ULK4: variants seen among roughly 807,000 people sequenced by gnomAD.
The protein encoded by ULK4 is inactive serine/threonine-protein kinase ULK4.
A neutral mutation model predicts 160.6 loss-of-function variants in ULK4; 133 were observed. The observed-to-expected ratio is 0.83, with a 90% CI of 0.72 to 0.96. The LOEUF is 0.96. Among genes scored for constraint, ULK4 ranks in the 40% least tolerant of loss-of-function variants. The pLI is 0.00. For missense variants in ULK4, 1,580 were observed against 1,499.5 expected (o/e 1.05, Z -0.89); for synonymous variants, 534 against 539.8 (o/e 0.99, Z 0.15).
intron 34 of ULK4, among the ~76,000 whole-genome samples, chr3:41,403,630 G>A (rs540813272): frequency 6.6e-6 from 1 of 151,968 alleles, no homozygotes; most frequent in South Asian, 2.1e-4. Context: ...CCTTTTGCTT[G>A]TTTTGGATTA....
rs1184931699 is a variant in ULK4 at position 41,625,771 on chromosome 3, A to G, written c.3072-10054T>C. 2.6e-5 allele frequency among the ~76,000 whole-genome samples: 4 copies of G among 152,352 alleles called. No individual in the cohort carries two copies. In the East Asian group the frequency reaches 7.7e-4, roughly 29 times the overall value. On this transcript the variant is annotated intron_variant, in intron 30 of 36. Transcript: ENST00000301831. ...TAAATCCGAAAAGAATGAAATGTCT[A>G]TAATTTACAGACAGCCTGAAGGACA...
At chr3:41,479,523 T>C (rs988945885) in intron 32 of ULK4, among the ~76,000 whole-genome samples, 1 of 152,134 alleles carries the variant, frequency 6.6e-6, no homozygotes, top group African/African-American at 2.4e-5. Flanking sequence ...GAAGTGGACT[T>C]TGCAGATCAT....
intron 5 of ULK4, among the ~76,000 whole-genome samples, chr3:41,928,738 G>T (rs150394401): frequency 0.13 from 19,144 of 151,936 alleles, 1,383 homozygotes; most frequent in Middle Eastern, 0.27. Context: ...AGAAAATCTC[G>T]AAGAAATGGA....
Position 41,942,985 on chromosome 3 carries a change from G to A in ULK4, c.139-4788C>T, listed in dbSNP as rs908666534. Among the ~76,000 whole-genome samples the A allele has an allele frequency of 3.6e-4, 54 of 152,032 alleles. 1 individual carries two copies. Among genetic ancestry groups the A allele is most frequent in the Admixed American group, 1.2e-3 (18 of 15,256 alleles). The stretch of plus-strand genomic sequence containing the variant: ...TCCCAGCACTTTGGGAGGCCGAGGC[G>A]GGTGGATCACGAGGTAAGGAGATCA... On this transcript the variant is annotated intron_variant, in intron 2 of 36. Coordinates refer to ENST00000301831, the MANE Select transcript of ULK4 (RefSeq NM_017886.4).
chr3:41,949,025 G>A (rs1379592135), intron 2 of ULK4, among the ~76,000 whole-genome samples: 1 of 152,218 alleles, frequency 6.6e-6, no homozygotes, highest in South Asian at 2.1e-4. Context: ...AAAACCCTAA[G>A]GCCAGGCGTG....
chr3:41,842,949 TGC>T (rs1475533867), intron 17 of ULK4, among the ~76,000 whole-genome samples: 11 of 152,334 alleles, frequency 7.2e-5, no homozygotes, highest in Admixed American at 3.3e-4. Context: ...CAATAAATAG[TGC>T]TGAAGCCATC....
At chr3:41,451,723 C>A (rs947366844) in intron 34 of ULK4, among the ~76,000 whole-genome samples, 11 of 152,110 alleles carry the variant, frequency 7.2e-5, no homozygotes, top group Non-Finnish European at 1.5e-4. Context: ...ATTTCAGGAA[C>A]TATTGGTAGT....
intron 30 of ULK4, among the ~76,000 whole-genome samples, chr3:41,649,612 C>T (rs1382849431): frequency 6.6e-6 from 1 of 152,196 alleles, no homozygotes; most frequent in Non-Finnish European, 1.5e-5. Flanking sequence ...GACACACCAG[C>T]CCCCTGCTGC....
intron 17 of ULK4, chr3:41,882,237 T>C (rs1451930309): frequency 1.4e-6 from 1 of 702,956 alleles, no homozygotes; most frequent in Non-Finnish European, 2.6e-6. Context: ...AGTGGAGTGT[T>C]GAACAAGACA....
chr3:41,750,088 C>T (rs2038563494), intron 22 of ULK4, among the ~76,000 whole-genome samples: 1 of 152,168 alleles, frequency 6.6e-6, no homozygotes, highest in Non-Finnish European at 1.5e-5. Context: ...ATCTCAGCAC[C>T]AGCCAACACC....
intron 32 of ULK4, among the ~76,000 whole-genome samples, chr3:41,464,067 A>G (rs979259894): frequency 6.6e-5 from 10 of 152,152 alleles, no homozygotes; most frequent in Non-Finnish European, 1.2e-4. Flanking sequence ...ATGGGGGAAA[A>G]GCACGGCAAG....
At chr3:41,328,976 G>A (rs1277303094) in intron 35 of ULK4, among the ~76,000 whole-genome samples, 1 of 142,436 alleles carries the variant, frequency 7.0e-6, no homozygotes, top group Admixed American at 7.0e-5. Context: ...ATTTTAACAT[G>A]TTAATCTCAT....
intron 36 of ULK4, among the ~76,000 whole-genome samples, chr3:41,248,308 C>CA (rs904762484): frequency 6.6e-6 from 1 of 151,908 alleles, no homozygotes; most frequent in African/African-American, 2.4e-5. Flanking sequence ...AATAGTCTTA[C>CA]AGGAGGCCTA....
chr3:41,568,849 A>G (rs1273881460), intron 31 of ULK4, among the ~76,000 whole-genome samples: 1 of 152,196 alleles, frequency 6.6e-6, no homozygotes, highest in East Asian at 1.9e-4. Context: ...CAGTCCCACA[A>G]GGCTACACCC....
chr3:41,380,659 G>A (rs932370873), intron 35 of ULK4, among the ~76,000 whole-genome samples: 2 of 152,100 alleles, frequency 1.3e-5, no homozygotes, highest in African/African-American at 4.8e-5. Context: ...ATTCCTCATT[G>A]TGTCCAAGTT....
chr3:41,474,602 T>C (rs2084085341), intron 32 of ULK4, among the ~76,000 whole-genome samples: 1 of 151,748 alleles, frequency 6.6e-6, no homozygotes, highest in Non-Finnish European at 1.5e-5. Flanking sequence ...GTGCAAGCCA[T>C]ACATATGATA....
chr3:41,676,957 G>A (rs867854936), intron 29 of ULK4, among the ~76,000 whole-genome samples: 2 of 137,688 alleles, frequency 1.5e-5, no homozygotes, highest in Middle Eastern at 3.8e-3. Flanking sequence ...TATTGCCCAG[G>A]CTGGAGTGGT....
intron 21 of ULK4, among the ~76,000 whole-genome samples, chr3:41,782,633 A>G (rs1053074690): frequency 5.3e-5 from 8 of 152,308 alleles, no homozygotes; most frequent in Middle Eastern, 3.4e-3. Context: ...AAAGAGTTTA[A>G]TTTTATCACA....
At chr3:41,734,164 T>TA (rs1199425723) in intron 22 of ULK4, among the ~76,000 whole-genome samples, 1 of 152,120 alleles carries the variant, frequency 6.6e-6, no homozygotes, top group African/African-American at 2.4e-5. Context: ...GAGATGCTAT[T>TA]GGCTTGGTTG....
Sources: gnomAD v4.1 joint callset for allele counts (sites outside exome capture counted in the v4.1 genomes callset) on GRCh38, gnomAD v4.1.1 for gene constraint, MANE v1.5 for transcripts, NCBI Gene and HGNC (gene_info 2026-07-23, HGNC 2026-07-21) for gene names.